Variants in SPC25 observed in about 807,000 individuals in gnomAD.
SPC25 encodes the protein SPC25 component of NDC80 kinetochore complex.
Under a neutral mutation model 29.6 loss-of-function variants are expected in SPC25, and 22 were observed. The ratio of observed to expected loss-of-function variants is 0.74; its 90% CI spans 0.53 to 1.06. The LOEUF (loss-of-function observed/expected upper bound fraction) is 1.06, where lower values mean the gene tolerates loss of function less well. Ranked by LOEUF, SPC25 falls within the 50% of genes least tolerant of loss-of-function variation. The pLI, the probability that SPC25 is intolerant of heterozygous loss-of-function variation, is 0.00. For missense variants in SPC25, 230 were observed against 255.8 expected (o/e 0.90, Z 0.69); for synonymous variants, 91 against 90.4 (o/e 1.01, Z -0.04).
rs5836211 is a variant in SPC25, at chr2:168,887,421, C to CAAAAAAAAAAA, written c.199+1794_199+1804dup. On this transcript the variant is annotated intron_variant, in intron 3 of 6. Transcript: ENST00000282074. ...TGGGCAACAGAGCGAGACTCCATCT[C>CAAAAAAAAAAA]AAAAAAAAAAAAAGAAAGAAAGAAA... Among the ~76,000 whole-genome samples the CAAAAAAAAAAA allele has an allele frequency of 4.6e-4, 61 of 131,398 alleles. No homozygotes were observed. In the East Asian group the frequency reaches 0.011, roughly 23 times the overall value. 86.2% of individuals were successfully genotyped at this position (131,398 alleles called of 152,430 possible). A position where few individuals can be genotyped will look rare whatever the true frequency, so the allele number is the denominator to read the frequency against.
chr2:168,889,181 T>C (rs1361812888), intron 3 of SPC25, 45 bp downstream of exon 3: 1 of 1,528,480 alleles, frequency 6.5e-7, no homozygotes, highest in Non-Finnish European at 9.0e-7. Flanking sequence ...ATGATAAAGA[T>C]GTTTTATCTA....
At chr2:168,871,960 T>TAAA (rs35221029) in intron 6 of SPC25, among the ~76,000 whole-genome samples, 1 of 144,132 alleles carries the variant, frequency 6.9e-6, no homozygotes. Flanking sequence ...CCACTGGAAT[T>TAAA]AAAAAAAAAA....
At chr2:168,889,095 ATAT>A (rs1448157903) in intron 3 of SPC25, 128 bp downstream of exon 3, 77 of 427,158 alleles carry the variant, frequency 1.8e-4, no homozygotes, top group African/African-American at 1.6e-3. Context: ...ATATATACAC[ATAT>A]ATATATACAC....
At chr2:168,863,298 T>C (rs1689593383) in intron 4 of SPC25, 1 of 571,064 alleles carries the variant, frequency 1.8e-6, no homozygotes, top group South Asian at 7.9e-5. Context: ...CCGAGAATAA[T>C]GTCCTTTAAG....
downstream of SPC25, among the ~76,000 whole-genome samples, chr2:168,867,364 G>C (rs1456107374): frequency 6.6e-6 from 1 of 152,112 alleles, no homozygotes; most frequent in Admixed American, 6.6e-5. Flanking sequence ...CATAATGACA[G>C]GACCAAATTC....
chr2:168,873,536 A>T (rs768753040), intron 6 of SPC25, 49 bp downstream of exon 6: 1 of 1,325,498 alleles, frequency 7.5e-7, no homozygotes, highest in Non-Finnish European at 1.1e-6. Flanking sequence ...TTGAAATAAC[A>T]TTTTGGAACG....
At chr2:168,873,967 T>G (rs1690042104) in intron 5 of SPC25, among the ~76,000 whole-genome samples, 2 of 152,134 alleles carry the variant, frequency 1.3e-5, no homozygotes, top group Admixed American at 1.3e-4. Context: ...ACCTAAAGAA[T>G]GGGAGAAAAT....
At chr2:168,886,674 C>A (rs913810731) in intron 3 of SPC25, among the ~76,000 whole-genome samples, 2 of 152,074 alleles carry the variant, frequency 1.3e-5, no homozygotes, top group Non-Finnish European at 2.9e-5. Flanking sequence ...CGCCGGCCAC[C>A]AGGCCCAGCT....
chr2:168,862,194 C>G, intron 4 of SPC25: 1 of 671,954 alleles, frequency 1.5e-6, no homozygotes, highest in Non-Finnish European at 2.6e-6. Flanking sequence ...ACATCTAAAA[C>G]AAAAGCTCGC....
chr2:168,871,194 A>C lies in SPC25; in HGVS notation c.*237T>G, dbSNP rs767943375. ...GACACAGGAAGGGGAACATCACACA[A>C]CGGGGACTGTTGTGGGTTGGGGGAG... On this transcript the variant is annotated 3_prime_UTR_variant, in exon 7 of 7. Coordinates refer to ENST00000282074, the MANE Select transcript of SPC25 (RefSeq NM_020675.4). The C allele has an allele frequency of 2.9e-5, 6 of 204,434 alleles. No individual in the cohort carries two copies. Among genetic ancestry groups the C allele is most frequent in the Admixed American group, 2.8e-4 (4 of 14,362 alleles). 12.7% of individuals were successfully genotyped at this position (204,434 alleles called of 1,614,324 possible).
chr2:168,869,057 A>C (rs1160566900), downstream of SPC25, among the ~76,000 whole-genome samples: 8 of 152,128 alleles, frequency 5.3e-5, no homozygotes, highest in African/African-American at 1.4e-4. Context: ...TCAACATACG[A>C]AAATCAATAA....
rs1559152392 is a variant in SPC25 at position 168,871,010 on chromosome 2, T to G, written c.*421A>C. ...AAGAAAATGTGGCACATATACACCA[T>G]GGAATACTATGCAGCCATAAAAAAG... On this transcript the variant is annotated 3_prime_UTR_variant, in exon 7 of 7. Coordinates refer to ENST00000282074, the MANE Select transcript of SPC25 (RefSeq NM_020675.4). 6.6e-6 allele frequency: 1 copy of G among 152,466 alleles called. No individual in the cohort carries two copies. The highest frequency in any genetic ancestry group is 1.5e-5 in the Non-Finnish European group (1 of 68,380). The allele number at this position is 152,466 out of a possible 1,614,324, so 9.4% of individuals were successfully genotyped here.
chr2:168,861,872 C>A, intron 4 of SPC25: 1 of 1,166,102 alleles, frequency 8.6e-7, no homozygotes. Flanking sequence ...TGAAACTCTG[C>A]ATCACACTGT....
intron 3 of SPC25, among the ~76,000 whole-genome samples, chr2:168,886,443 T>G (rs1412789115): frequency 6.6e-6 from 1 of 152,154 alleles, no homozygotes; most frequent in Non-Finnish European, 1.5e-5. Flanking sequence ...GTCTCCTTAG[T>G]GGTGGGCAAT....
Position 168,877,265 on chromosome 2 carries a change from T to G in SPC25, c.319A>C (p.Lys107Gln), listed in dbSNP as rs202047860. The stretch of plus-strand genomic sequence containing the variant: ...TCCTTCTTCCTAGAATATTCTTCCT[T>G]AAGATCCTGGATATTTGCAGTCAGT... ...EVLTANIQDL[K>Q]EEYSRKKETI... Residue 107 changes from lysine (K) to glutamine (Q), a missense_variant, in exon 4 of 7, where the codon AAG (lysine) becomes CAG (glutamine). Physicochemically the swap from Lys to Gln is moderately conservative, Grantham distance 53. Transcript: ENST00000282074. 2.4e-4 allele frequency: 384 copies of G among 1,613,650 alleles called. 7 individuals carry two copies. The South Asian group carries it at 2.6e-3, about 11-fold the overall frequency.
chr2:168,889,044 T>TACACATATATATACATATATATAC (rs1690338104), intron 3 of SPC25, among the ~76,000 whole-genome samples, 182 bp downstream of exon 3: 1 of 103,424 alleles, frequency 9.7e-6, no homozygotes, highest in African/African-American at 4.0e-5. Flanking sequence ...CATATATATA[T>TACACATATATATACATATATATAC]ACACATATAT....
chr2:168,865,771 G>C (rs1056769313), intron 4 of SPC25, among the ~76,000 whole-genome samples: 8 of 126,870 alleles, frequency 6.3e-5, no homozygotes, highest in South Asian at 2.3e-4. Flanking sequence ...CTTCAGCAAA[G>C]TCTCAAGATA....
chr2:168,865,720 C>T (rs1574353656), intron 4 of SPC25, among the ~76,000 whole-genome samples: 2 of 152,228 alleles, frequency 1.3e-5, no homozygotes, highest in Middle Eastern at 6.8e-3. Context: ...TCTAGAAAAC[C>T]CCACTGTCTC....
intron 3 of SPC25, among the ~76,000 whole-genome samples, chr2:168,879,762 C>T (rs1461685590): frequency 1.3e-5 from 2 of 152,132 alleles, no homozygotes; most frequent in African/African-American, 4.8e-5. Flanking sequence ...GTAGCTATAA[C>T]CTTATTTCTT....
Sources: gnomAD v4.1 joint callset for allele counts (sites outside exome capture counted in the v4.1 genomes callset) on GRCh38, gnomAD v4.1.1 for gene constraint, MANE v1.5 for transcripts, NCBI Gene and HGNC (gene_info 2026-07-23, HGNC 2026-07-21) for gene names.